Variants in TIMM23 observed in about 807,000 individuals in gnomAD.
TIMM23 encodes mitochondrial import inner membrane translocase subunit Tim23.
Under a neutral mutation model 30.7 loss-of-function variants are expected in TIMM23, and 19 were observed. The ratio of observed to expected loss-of-function variants is 0.62; its 90% CI spans 0.43 to 0.91. The LOEUF is 0.91. Among genes scored for constraint, TIMM23 ranks in the 40% least tolerant of loss-of-function variants. TIMM23 has a pLI of 0.00. For synonymous variants in TIMM23, 78 were observed against 98.5 expected (o/e 0.79, Z 1.23); for missense variants, 202 against 269.2 (o/e 0.75, Z 1.75).
rs1230262380 is a variant in TIMM23 at position 45,995,924 on chromosome 10, G to A, written c.514+7077G>A. 9.4e-5 allele frequency among the ~76,000 whole-genome samples: 14 copies of A among 148,678 alleles called. No homozygotes were observed. In the East Asian group the frequency reaches 2.5e-3, roughly 27 times the overall value. ...TAGGTCTGTGGAGTCAAAATGCTACGTGATATTTGTGGTGGATGAATTACT... is the reference window on the plus strand; with the variant it reads ...TAGGTCTGTGGAGTCAAAATGCTACATGATATTTGTGGTGGATGAATTACT... On this transcript the variant is annotated intron_variant, in intron 6 of 6. Transcript: ENST00000580018.
At chr10:45,976,290 A>G (rs1214971879) in intron 2 of TIMM23, among the ~76,000 whole-genome samples, 2 of 150,680 alleles carry the variant, frequency 1.3e-5, no homozygotes, top group African/African-American at 2.5e-5. Context: ...TCATTTGACA[A>G]CATCCAACAC....
At chr10:45,973,017 G>A (rs1382598530) in intron 1 of TIMM23, among the ~76,000 whole-genome samples, 2 of 152,266 alleles carry the variant, frequency 1.3e-5, no homozygotes, top group African/African-American at 4.8e-5. Context: ...TGTGTGTGGT[G>A]GGCCGTGTGA....
intron 6 of TIMM23, among the ~76,000 whole-genome samples, chr10:45,994,739 G>A (rs1408001584): frequency 6.7e-6 from 1 of 148,274 alleles, no homozygotes; most frequent in Non-Finnish European, 1.5e-5. Flanking sequence ...ACCGCGCCCG[G>A]CCCCCTCTTT....
At chr10:45,973,639 G>GT (rs1229609803) in intron 1 of TIMM23, among the ~76,000 whole-genome samples, 1 of 152,004 alleles carries the variant, frequency 6.6e-6, no homozygotes, top group Non-Finnish European at 1.5e-5. Flanking sequence ...GTTTTGTTTC[G>GT]TTTTTTTGTT....
intron 1 of TIMM23, among the ~76,000 whole-genome samples, chr10:45,974,180 T>G (rs1180284524): frequency 6.6e-6 from 1 of 152,006 alleles, no homozygotes; most frequent in East Asian, 1.9e-4. Flanking sequence ...TTGTTTTTTT[T>G]TGAAAAGAGG....
At chr10:45,975,342 T>G (rs1564902495) in intron 1 of TIMM23, 112 bp from the exon 2 acceptor site, 2 of 1,435,432 alleles carry the variant, frequency 1.4e-6, no homozygotes, top group East Asian at 4.6e-5. Flanking sequence ...TTTTCCGCCT[T>G]CAGTGAGCCT....
At chr10:45,986,829 G>A (rs1436585622) in intron 5 of TIMM23, among the ~76,000 whole-genome samples, 2 of 150,996 alleles carry the variant, frequency 1.3e-5, no homozygotes, top group African/African-American at 2.4e-5. Flanking sequence ...GTGTGTATGT[G>A]TGTGTCTTTA....
intron 4 of TIMM23, chr10:45,984,883 T>C (rs61849510): frequency 1.2e-5 from 2 of 170,754 alleles, no homozygotes; most frequent in South Asian, 1.3e-4. Flanking sequence ...TTCTGTACTT[T>C]GATATTCTTT....
rs1337108310 is a variant in TIMM23 at position 45,994,185 on chromosome 10, A to G, written c.514+5338A>G. On this transcript the variant is annotated intron_variant, in intron 6 of 6. Transcript: ENST00000580018. ...CGAAACCCCATCTCTACTAAAATAC[A>G]AAAACCAGCCGGGCATGATAGCGGG... Among the ~76,000 whole-genome samples, 4 of 151,952 alleles carry G rather than the reference A, an allele frequency of 2.6e-5. No homozygotes were observed. In the East Asian group the frequency reaches 5.8e-4, roughly 22 times the overall value.
Position 45,989,688 on chromosome 10 carries a change from C to G in TIMM23, c.514+841C>G, listed in dbSNP as rs1277008658. On this transcript the variant is annotated intron_variant, in intron 6 of 6. Transcript: ENST00000580018. ...GTGACATCAGCATATTAAACTATCACAAGACACACACAAGGTCAAAGCCCA... is the reference window on the plus strand; with the variant it reads ...GTGACATCAGCATATTAAACTATCAGAAGACACACACAAGGTCAAAGCCCA... 3.9e-5 allele frequency among the ~76,000 whole-genome samples: 6 copies of G among 152,236 alleles called. No individual in the cohort carries two copies. The East Asian group carries it at 1.2e-3, about 29-fold the overall frequency.
chr10:46,001,322 T>G (rs1293203025), intron 6 of TIMM23, among the ~76,000 whole-genome samples: 1 of 152,186 alleles, frequency 6.6e-6, no homozygotes. Context: ...TTAGTGGGGT[T>G]TTTTTGGGTT....
At chr10:45,991,465 G>T (rs2132269912) in intron 6 of TIMM23, among the ~76,000 whole-genome samples, 1 of 152,232 alleles carries the variant, frequency 6.6e-6, no homozygotes, top group South Asian at 2.1e-4. Context: ...AAAGATGATT[G>T]GGTCAGCTGG....
intron 4 of TIMM23, among the ~76,000 whole-genome samples, chr10:45,983,572 T>C (rs1326367810): frequency 4.2e-4 from 64 of 152,172 alleles, no homozygotes; most frequent in African/African-American, 1.5e-3. Context: ...ACAATATGTT[T>C]AGTTTTGCCC....
chr10:45,975,057 C>T (rs1168992541), intron 1 of TIMM23, among the ~76,000 whole-genome samples: 1 of 152,136 alleles, frequency 6.6e-6, no homozygotes, highest in Non-Finnish European at 1.5e-5. Context: ...CCCAACCCAA[C>T]CACTGTTTTT....
intron 4 of TIMM23, 130 bp downstream of exon 4, chr10:45,983,060 A>G (rs1412810126): frequency 7.6e-7 from 1 of 1,319,020 alleles, no homozygotes; most frequent in East Asian, 2.3e-5. Flanking sequence ...TTGTTTTTTA[A>G]TCTTAATCAA....
intron 6 of TIMM23, among the ~76,000 whole-genome samples, chr10:45,992,081 C>T (rs1398371746): frequency 3.3e-5 from 5 of 152,062 alleles, no homozygotes; most frequent in African/African-American, 1.2e-4. Context: ...ATCCTCTCAC[C>T]TCAGCCTGCC....
intron 5 of TIMM23, among the ~76,000 whole-genome samples, chr10:45,986,796 T>A (rs1305836837): frequency 8.1e-6 from 1 of 123,428 alleles, no homozygotes; most frequent in Non-Finnish European, 1.7e-5. Context: ...TTTCTTATAC[T>A]AGAAATACGT....
At chr10:45,980,944 C>CTTT (rs782474869) in intron 2 of TIMM23, among the ~76,000 whole-genome samples, 1 of 125,286 alleles carries the variant, frequency 8.0e-6, no homozygotes, top group Non-Finnish European at 1.7e-5. Flanking sequence ...GTTTTCTTTT[C>CTTT]TTTTTTTTTT....
intron 6 of TIMM23, among the ~76,000 whole-genome samples, chr10:45,999,452 CG>C (rs1320347951): frequency 6.6e-6 from 1 of 152,008 alleles, no homozygotes; most frequent in Non-Finnish European, 1.5e-5. Context: ...GCTGGGCATC[CG>C]GGGGAGACAT....
Sources: allele counts gnomAD v4.1 joint callset (sites outside exome capture counted in the v4.1 genomes callset), GRCh38; gene constraint gnomAD v4.1.1; transcripts MANE v1.5; gene names NCBI Gene and HGNC (gene_info 2026-07-23, HGNC 2026-07-21).